PAX5: variants seen among roughly 807,000 people sequenced by gnomAD.
The protein encoded by PAX5 is paired box protein Pax-5.
A neutral mutation model predicts 43.7 loss-of-function variants in PAX5; 9 were observed. The observed-to-expected ratio is 0.21, with a 90% confidence interval of 0.12 to 0.36. The LOEUF (loss-of-function observed/expected upper bound fraction) is 0.36. Ranked by LOEUF, PAX5 falls within the 10% of genes least tolerant of loss-of-function variation. The pLI, the probability that PAX5 is intolerant of heterozygous loss-of-function variation, is 1.00. For missense variants in PAX5, 383 were observed against 532.7 expected, an observed-to-expected ratio of 0.72 and a Z score of 2.77; for synonymous variants, 228 against 214.3, an observed-to-expected ratio of 1.06 and a Z score of -0.56.
rs1182197274 is a variant in PAX5 at position 36,840,099 on chromosome 9, G to A, written c.*461C>T. On this transcript the variant is annotated 3_prime_UTR_variant, in exon 10 of 10. Transcript: ENST00000358127. ...TAAGATGTCCGGTGATGCACCAAGA[G>A]TGCGAGATGCATCATGGGTGGAGCA... 2.4e-5 allele frequency: 8 copies of A among 340,328 alleles called. No homozygotes were observed. In the East Asian group the frequency reaches 4.1e-4, roughly 17 times the overall value. The allele number at this position is 340,328 out of a possible 1,614,324, so 21.1% of individuals were successfully genotyped here.
chr9:36,887,670 A>G (rs1421001549), intron 7 of PAX5, among the ~76,000 whole-genome samples: 1 of 152,232 alleles, frequency 6.6e-6, no homozygotes. Flanking sequence ...TAAATGTAGG[A>G]GTTAAAAGTA....
intron 8 of PAX5, among the ~76,000 whole-genome samples, chr9:36,874,700 CAGTGCTCTCATTT>C (rs1342862579): frequency 1.3e-5 from 2 of 152,274 alleles, no homozygotes; most frequent in East Asian, 3.9e-4. Context: ...TCCTACTTGG[CAGTGCTCTCATTT>C]CTGACTGGAT....
At chr9:36,960,879 C>T (rs1833916334) in intron 6 of PAX5, among the ~76,000 whole-genome samples, 2 of 152,210 alleles carry the variant, frequency 1.3e-5, no homozygotes, top group Non-Finnish European at 2.9e-5. Flanking sequence ...CCTAGAATGC[C>T]TTCTCCAGCC....
chr9:36,841,937 G>A (rs575762247), intron 9 of PAX5, among the ~76,000 whole-genome samples: 1 of 152,240 alleles, frequency 6.6e-6, no homozygotes, highest in Admixed American at 6.5e-5. Context: ...ACCATAACTG[G>A]GGGCTGAGTC....
chr9:36,978,477 G>C (rs1018118424), intron 5 of PAX5, among the ~76,000 whole-genome samples: 2 of 151,324 alleles, frequency 1.3e-5, no homozygotes, highest in African/African-American at 4.9e-5. Flanking sequence ...GCACACAGCA[G>C]TCTCTCTCCC....
chr9:37,012,332 A>G (rs1588225085), intron 3 of PAX5, among the ~76,000 whole-genome samples: 1 of 152,140 alleles, frequency 6.6e-6, no homozygotes, highest in South Asian at 2.1e-4. Context: ...CCTGGGTTCT[A>G]CCCCCATGTC....
At chr9:36,937,653 G>A (rs545975104) in intron 6 of PAX5, among the ~76,000 whole-genome samples, 30 of 152,082 alleles carry the variant, frequency 2.0e-4, no homozygotes, top group African/African-American at 5.6e-4. Flanking sequence ...TTTCCCCGCC[G>A]GGCGCCCTCT....
chr9:36,969,635 G>A (rs528480045), intron 5 of PAX5, among the ~76,000 whole-genome samples: 8 of 152,368 alleles, frequency 5.3e-5, no homozygotes, highest in East Asian at 1.9e-4. Context: ...GACTGGCTGC[G>A]TCCTGCTCTG....
intron 1 of PAX5, among the ~76,000 whole-genome samples, chr9:37,021,752 A>G (rs1283668705): frequency 6.6e-6 from 1 of 152,222 alleles, no homozygotes; most frequent in East Asian, 1.9e-4. Flanking sequence ...CAGTAAACAC[A>G]GAGTGATCCG....
chr9:36,934,099 G>A lies in PAX5; in HGVS notation c.781-10615C>T, dbSNP rs1173454471. ...CCTGACAGCAACCAGGGGAGGCAGC[G>A]TGGCTGAGGAATTCCACCGGGTCTG... On this transcript the variant is annotated intron_variant, in intron 6 of 9. Coordinates refer to ENST00000358127, the MANE Select transcript of PAX5 (RefSeq NM_016734.3). Among the ~76,000 whole-genome samples the A allele has an allele frequency of 2.6e-5, 4 of 152,228 alleles. No individual in the cohort carries two copies. The East Asian group carries it at 5.8e-4, about 22-fold the overall frequency.
chr9:36,929,032 A>G (rs1345510057), intron 6 of PAX5, among the ~76,000 whole-genome samples: 1 of 152,194 alleles, frequency 6.6e-6, no homozygotes, highest in African/African-American at 2.4e-5. Context: ...TTCAACCACC[A>G]TAAGCACATC....
chr9:37,016,759 G>A (rs1161358180), intron 2 of PAX5, among the ~76,000 whole-genome samples: 1 of 152,214 alleles, frequency 6.6e-6, no homozygotes, highest in Non-Finnish European at 1.5e-5. Context: ...GTAAGGGAAC[G>A]AGGTGATTCT....
chr9:36,930,216 CTTTTTT>C (rs144710055), intron 6 of PAX5, among the ~76,000 whole-genome samples: 12 of 85,518 alleles, frequency 1.4e-4, no homozygotes, highest in Admixed American at 1.2e-3. Flanking sequence ...GATGGATGTC[CTTTTTT>C]TTTTTTTTTT....
At chr9:36,965,520 G>T (rs1834350503) in intron 6 of PAX5, among the ~76,000 whole-genome samples, 1 of 152,206 alleles carries the variant, frequency 6.6e-6, no homozygotes, top group Non-Finnish European at 1.5e-5. Flanking sequence ...GGCCCCAGAG[G>T]CCCTGCTCTT....
chr9:36,900,916 C>T (rs1828331014), intron 7 of PAX5, among the ~76,000 whole-genome samples: 1 of 82,678 alleles, frequency 1.2e-5, no homozygotes, highest in African/African-American at 4.3e-5. Flanking sequence ...CTCCCGGGTC[C>T]CCCAGACTCC....
At chr9:36,892,286 T>C (rs10973117) in intron 7 of PAX5, among the ~76,000 whole-genome samples, 2,645 of 152,306 alleles carry the variant, frequency 0.017, 74 homozygotes, top group African/African-American at 0.06. Flanking sequence ...CGTTCACTCA[T>C]TCATGCATTA....
intron 1 of PAX5, among the ~76,000 whole-genome samples, chr9:37,023,678 A>AC (rs1564088183): frequency 2.6e-5 from 4 of 151,800 alleles, no homozygotes; most frequent in Admixed American, 2.6e-4. Flanking sequence ...CCCTCCCAAT[A>AC]CCCCCAAAGA....
intron 6 of PAX5, among the ~76,000 whole-genome samples, chr9:36,959,774 G>A (rs747455335): frequency 7.9e-5 from 12 of 152,240 alleles, no homozygotes; most frequent in Non-Finnish European, 1.6e-4. Context: ...TGGGCAGCCT[G>A]TGCTGCAACT....
Position 36,839,048 on chromosome 9 carries a change from C to A in PAX5, c.*1512G>T, listed in dbSNP as rs1424503324. 4 of 233,230 alleles carry A rather than the reference C, an allele frequency of 1.7e-5. No homozygotes were observed. Among genetic ancestry groups the A allele is most frequent in the Non-Finnish European group, 3.4e-5 (4 of 118,074 alleles). 14.4% of individuals were successfully genotyped at this position (233,230 alleles called of 1,614,324 possible). A position where few individuals can be genotyped will look rare whatever the true frequency, so the allele number is the denominator to read the frequency against. ...AGCCCAGGTTTGGACAAGGGCTCTA[C>A]CTGGCTGTTCTGACTTGACAAGAGA... On this transcript the variant is annotated 3_prime_UTR_variant, in exon 10 of 10. Coordinates refer to ENST00000358127, the MANE Select transcript of PAX5 (RefSeq NM_016734.3).
Sources: gnomAD v4.1 joint callset for allele counts (sites outside exome capture counted in the v4.1 genomes callset) on GRCh38, gnomAD v4.1.1 for gene constraint, MANE v1.5 for transcripts, NCBI Gene and HGNC (gene_info 2026-07-23, HGNC 2026-07-21) for gene names.